Variants in GARIN5B observed in about 807,000 individuals in gnomAD.
GARIN5B encodes golgi associated RAB2 interactor family member 5B, also known as Golgi-associated RAB2 interactor protein 5B.
chr19:55,360,861 C>A, the GARIN5B span: 1 of 1,547,574 alleles, frequency 6.5e-7, no homozygotes, highest in Non-Finnish European at 8.7e-7. Context: ...ACCAGGCAAG[C>A]GGATTTGGGT....
chr19:55,359,652 G>A, the GARIN5B span: 3 of 1,550,876 alleles, frequency 1.9e-6, no homozygotes, highest in Non-Finnish European at 2.6e-6. Context: ...GATGTGACAA[G>A]GCCAGATGGG....
chr19:55,357,820 G>A, the GARIN5B span, among the ~76,000 whole-genome samples: 3 of 152,200 alleles, frequency 2.0e-5, no homozygotes, highest in African/African-American at 7.2e-5. Flanking sequence ...TTGGGAGGCC[G>A]AGGCGGGTGG....
chr19:55,360,720 G>A, the GARIN5B span: 79 of 1,551,566 alleles, frequency 5.1e-5, no homozygotes, highest in Non-Finnish European at 6.5e-5. Flanking sequence ...TCTGGTTGGC[G>A]GTGCTGGAAA....
chr19:55,361,586 C>CCTCTA, the GARIN5B span, among the ~76,000 whole-genome samples: 1 of 138,014 alleles, frequency 7.2e-6, no homozygotes, highest in East Asian at 2.0e-4. Flanking sequence ...GCCGCTCCTC[C>CCTCTA]GTCAGACCCA....
the GARIN5B span, among the ~76,000 whole-genome samples, chr19:55,357,506 C>T: frequency 1.3e-5 from 2 of 152,328 alleles, no homozygotes; most frequent in African/African-American, 4.8e-5. Context: ...GCTTTCCCCC[C>T]AGATGTCCTC....
At chr19:55,360,022 T>C in the GARIN5B span, 6 of 1,498,840 alleles carry the variant, frequency 4.0e-6, no homozygotes, top group Non-Finnish European at 5.4e-6. Flanking sequence ...TCAGGATGCA[T>C]GGAGACCCCA....
At chr19:55,362,176 TC>T in the GARIN5B span, 1 of 1,441,706 alleles carries the variant, frequency 6.9e-7, no homozygotes. Context: ...TTGGTCGCAG[TC>T]CCCTCTGGAT....
At chr19:55,359,818 AG>A in the GARIN5B span, 2 of 1,551,458 alleles carry the variant, frequency 1.3e-6, no homozygotes, top group Non-Finnish European at 1.7e-6. Flanking sequence ...TGCTGCCCCC[AG>A]AGTCCATGAG....
the GARIN5B span, chr19:55,363,113 C>T: frequency 7.0e-6 from 10 of 1,429,044 alleles, no homozygotes; most frequent in East Asian, 1.4e-4. The surrounding 1 kb of genome is among the most constrained non-coding windows in gnomAD (Gnocchi z 4.0). Flanking sequence ...AGAACCCAGG[C>T]GTGCAGGCCT....
chr19:55,360,765 C>T, the GARIN5B span: 1 of 1,551,710 alleles, frequency 6.4e-7, no homozygotes. Context: ...TGATGCTGGT[C>T]TTCTCTGGAT....
At chr19:55,358,051 C>CAAA in the GARIN5B span, 1,696 of 1,114,612 alleles carry the variant, frequency 1.5e-3, no homozygotes, top group South Asian at 2.8e-3. Flanking sequence ...GAGACCCTGT[C>CAAA]AAAAAAAAAA....
At chr19:55,359,203 G>C in the GARIN5B span, 1 of 1,551,354 alleles carries the variant, frequency 6.4e-7, no homozygotes, top group Non-Finnish European at 8.7e-7. Flanking sequence ...TCCCCCGTGA[G>C]GCAGGCGGGC....
the GARIN5B span, chr19:55,359,466 G>A: frequency 6.5e-7 from 1 of 1,546,674 alleles, no homozygotes; most frequent in Non-Finnish European, 8.7e-7. Context: ...TTCTGGGATG[G>A]AGCAGGTACG....
chr19:55,356,733 G>A, the GARIN5B span, among the ~76,000 whole-genome samples: 1 of 151,994 alleles, frequency 6.6e-6, no homozygotes, highest in African/African-American at 2.4e-5. Context: ...CTAGTTCCAG[G>A]GCATTTGTAT....
the GARIN5B span, chr19:55,358,165 G>A: frequency 4.7e-6 from 7 of 1,501,722 alleles, no homozygotes; most frequent in Non-Finnish European, 6.2e-6. Context: ...GGTTCAAGAC[G>A]CCCGATTCCT....
At chr19:55,356,377 C>CT in the GARIN5B span, among the ~76,000 whole-genome samples, 1,460 of 145,442 alleles carry the variant, frequency 0.01, 10 homozygotes, top group Non-Finnish European at 0.015. Flanking sequence ...GCCTAGTTAA[C>CT]TTTTTTTTTT....
chr19:55,362,667 G>A, the GARIN5B span: 17 of 1,546,152 alleles, frequency 1.1e-5, no homozygotes, highest in South Asian at 3.6e-5. Flanking sequence ...GCAGGGAGGC[G>A]GCCACGCCCA....
chr19:55,359,125 C>A, the GARIN5B span: 7 of 1,551,262 alleles, frequency 4.5e-6, no homozygotes, highest in Non-Finnish European at 6.1e-6. Context: ...TCCCTCCAGA[C>A]TGGCTTCTCT....
chr19:55,356,912 G>A, the GARIN5B span, among the ~76,000 whole-genome samples: 21 of 152,186 alleles, frequency 1.4e-4, no homozygotes, highest in South Asian at 2.5e-3. Flanking sequence ...TCAGCCGGGC[G>A]TGGTGGTGAG....
Sources: allele counts gnomAD v4.1 joint callset (sites outside exome capture counted in the v4.1 genomes callset), GRCh38; gene constraint gnomAD v4.1.1; non-coding constraint Gnocchi (gnomAD v3.1); transcripts MANE v1.5; gene names NCBI Gene and HGNC (gene_info 2026-07-23, HGNC 2026-07-21).